The following RAB30 variants were observed in gnomAD, a reference collection of about 807,000 sequenced individuals.
The protein encoded by RAB30 is ras-related protein Rab-30.
Under a neutral mutation model 25.1 loss-of-function variants are expected in RAB30, and 9 were observed. The observed-to-expected ratio is 0.36, with a 90% CI of 0.22 to 0.63. The LOEUF is 0.63. RAB30 is among the 20% of genes least tolerant of loss of function. The pLI is 0.69. For synonymous variants in RAB30, 77 were observed against 86.4 expected (o/e 0.89, Z 0.60); for missense variants, 140 against 243.5 (o/e 0.58, Z 2.83).
At chr11:83,042,529 G>C (rs572769343) in intron 1 of RAB30, among the ~76,000 whole-genome samples, 123 of 152,032 alleles carry the variant, frequency 8.1e-4, no homozygotes, top group Non-Finnish European at 1.5e-3. Flanking sequence ...CTCCAGCCTG[G>C]GCAACAGAGC....
chr11:83,030,093 C>T (rs983427829), intron 1 of RAB30, among the ~76,000 whole-genome samples: 2 of 152,100 alleles, frequency 1.3e-5, no homozygotes, highest in African/African-American at 4.8e-5. Flanking sequence ...GTAGGGTGTA[C>T]ACTGTTTGGT....
chr11:83,031,761 A>G (rs1056509310), intron 1 of RAB30, among the ~76,000 whole-genome samples: 1 of 152,202 alleles, frequency 6.6e-6, no homozygotes, highest in Non-Finnish European at 1.5e-5. Flanking sequence ...TCCCAACTTC[A>G]GGTGATCCGC....
At chr11:83,004,904 A>G (rs1335343838) in intron 1 of RAB30, among the ~76,000 whole-genome samples, 5 of 152,052 alleles carry the variant, frequency 3.3e-5, no homozygotes, top group Non-Finnish European at 5.9e-5. Context: ...GAAGCTCATT[A>G]TTGCTTAATT....
intron 1 of RAB30, among the ~76,000 whole-genome samples, chr11:83,023,271 A>C (rs1379867271): frequency 1.3e-5 from 2 of 152,194 alleles, no homozygotes; most frequent in African/African-American, 4.8e-5. Flanking sequence ...ATTTAAAGAA[A>C]TCTCATGTCA....
At chr11:83,032,052 C>A (rs1857875706) in intron 1 of RAB30, among the ~76,000 whole-genome samples, 1 of 152,170 alleles carries the variant, frequency 6.6e-6, no homozygotes, top group South Asian at 2.1e-4. Flanking sequence ...GTAGAAAAGA[C>A]AGAGCCGTCC....
chr11:82,987,407 T>C (rs2121440788), intron 4 of RAB30, 180 bp downstream of exon 4: 2 of 491,300 alleles, frequency 4.1e-6, no homozygotes, highest in Non-Finnish European at 6.6e-6. Flanking sequence ...TTTTCTAAAC[T>C]GTCACCATGG....
intron 3 of RAB30, chr11:82,992,398 G>A (rs1458166455): frequency 1.1e-5 from 5 of 455,902 alleles, no homozygotes; most frequent in Non-Finnish European, 2.2e-5. Flanking sequence ...CTATTTTAAG[G>A]AGTCAGGGCT....
intron 1 of RAB30, among the ~76,000 whole-genome samples, chr11:83,010,580 T>A (rs886126984): frequency 6.6e-6 from 1 of 152,234 alleles, no homozygotes; most frequent in African/African-American, 2.4e-5. Flanking sequence ...TATTAAAATA[T>A]CTTAGGGGCT....
chr11:83,019,550 T>A (rs1173767658), intron 1 of RAB30, among the ~76,000 whole-genome samples: 1 of 152,036 alleles, frequency 6.6e-6, no homozygotes, highest in East Asian at 1.9e-4. Flanking sequence ...TCACCTAGCT[T>A]CCCATTAACT....
At chr11:83,022,828 T>C (rs1367119372) in intron 1 of RAB30, among the ~76,000 whole-genome samples, 4 of 152,132 alleles carry the variant, frequency 2.6e-5, no homozygotes, top group Non-Finnish European at 5.9e-5. Flanking sequence ...TCATTTTGTT[T>C]TTTGTTTTAG....
intron 1 of RAB30, chr11:83,034,526 A>G (rs1857946033): frequency 6.6e-6 from 1 of 152,224 alleles, no homozygotes; most frequent in African/African-American, 2.4e-5. Context: ...CCTGAGAGGC[A>G]CAGGGTGTGG....
In RAB30 at chr11:83,031,014, C is replaced by T. The variant is rs555893369; in HGVS notation, c.-8-33690G>A. ...CTTATAGAAAGAGGAGAATAGGACA[C>T]GTAGCAGGACACTGGGAGTGTGCAT... On this transcript the variant is annotated intron_variant, in intron 1 of 4. Coordinates refer to ENST00000527633, the MANE Select transcript of RAB30 (RefSeq NM_001286060.2). Among the ~76,000 whole-genome samples the T allele has an allele frequency of 4.6e-5, 7 of 152,284 alleles. No homozygotes were observed. The East Asian group carries it at 5.8e-4, about 13-fold the overall frequency.
intron 1 of RAB30, among the ~76,000 whole-genome samples, chr11:83,024,884 A>T (rs542882027): frequency 1.3e-5 from 2 of 152,220 alleles, no homozygotes; most frequent in Non-Finnish European, 2.9e-5. Context: ...AGTTTGTTTG[A>T]CTACTAGTTA....
At chr11:82,994,451 C>A (rs1856918867) in intron 2 of RAB30, among the ~76,000 whole-genome samples, 2 of 152,090 alleles carry the variant, frequency 1.3e-5, no homozygotes, top group South Asian at 4.1e-4. Flanking sequence ...AAAGAAAAAT[C>A]AGACACGAAG....
chr11:83,069,904 C>T (rs1417978505), intron 1 of RAB30, among the ~76,000 whole-genome samples: 1 of 152,102 alleles, frequency 6.6e-6, no homozygotes, highest in Non-Finnish European at 1.5e-5. Flanking sequence ...AAAGAAAAGG[C>T]AAAGAAATTC....
chr11:83,056,517 C>A (rs180929917), intron 1 of RAB30, among the ~76,000 whole-genome samples: 1 of 152,172 alleles, frequency 6.6e-6, no homozygotes, highest in African/African-American at 2.4e-5. Flanking sequence ...GTTTCAACCA[C>A]CTCTATAGTT....
intron 1 of RAB30, among the ~76,000 whole-genome samples, chr11:83,004,735 C>A (rs1443091185): frequency 6.6e-6 from 1 of 151,960 alleles, no homozygotes; most frequent in East Asian, 1.9e-4. Flanking sequence ...ATGGAAGGAG[C>A]CATGCTTTAT....
chr11:83,033,280 G>A (rs202220955), intron 1 of RAB30, among the ~76,000 whole-genome samples: 7 of 150,610 alleles, frequency 4.6e-5, no homozygotes, highest in Admixed American at 1.3e-4. Flanking sequence ...TGGTCAGGCT[G>A]GTCTCGAACT....
At chr11:82,992,591 C>T (rs1357134599) in intron 3 of RAB30, among the ~76,000 whole-genome samples, 2 of 152,136 alleles carry the variant, frequency 1.3e-5, no homozygotes, top group Non-Finnish European at 2.9e-5. Flanking sequence ...TGGACCCAAA[C>T]ATAGGATGCT....
Sources: gnomAD v4.1 joint callset for allele counts (sites outside exome capture counted in the v4.1 genomes callset) on GRCh38, gnomAD v4.1.1 for gene constraint, MANE v1.5 for transcripts, NCBI Gene and HGNC (gene_info 2026-07-23, HGNC 2026-07-21) for gene names.